The following EPRS1 variants were observed in gnomAD, a reference collection of about 807,000 sequenced individuals.
EPRS1 encodes the protein bifunctional glutamate/proline--tRNA ligase.
Under a neutral mutation model 188.3 loss-of-function variants are expected in EPRS1, and 107 were observed. That is an observed-to-expected ratio of 0.57 (90% CI 0.49 to 0.67). The LOEUF (loss-of-function observed/expected upper bound fraction) is 0.67, where lower values mean the gene tolerates loss of function less well. EPRS1 is among the 30% of genes least tolerant of loss of function. EPRS1 has a pLI of 0.00. For missense variants in EPRS1, 1,577 were observed against 1,802.2 expected (o/e 0.88, Z 2.26); for synonymous variants, 596 against 593.1 (o/e 1.00, Z -0.07).
At chr1:220,004,796 A>AT (rs1661427426) in intron 16 of EPRS1, among the ~76,000 whole-genome samples, 1 of 152,184 alleles carries the variant, frequency 6.6e-6, no homozygotes, top group Non-Finnish European at 1.5e-5. Flanking sequence ...AAAAATTTAC[A>AT]TAGAGTTCTC....
chr1:220,008,209 T>C (rs1285497194), intron 13 of EPRS1, among the ~76,000 whole-genome samples: 1 of 151,662 alleles, frequency 6.6e-6, no homozygotes, highest in Non-Finnish European at 1.5e-5. Context: ...TGGGACATTA[T>C]AGGACAACAG....
intron 5 of EPRS1, among the ~76,000 whole-genome samples, chr1:220,031,254 GA>G (rs1438233268): frequency 7.9e-5 from 12 of 152,182 alleles, no homozygotes; most frequent in African/African-American, 2.9e-4. Flanking sequence ...CAAAAACACA[GA>G]GGACCTTTTA....
At chr1:219,977,043 T>C (rs1283527441) in intron 28 of EPRS1, among the ~76,000 whole-genome samples, 4 of 152,138 alleles carry the variant, frequency 2.6e-5, no homozygotes, top group Non-Finnish European at 4.4e-5. Flanking sequence ...ATATTATAGC[T>C]CATTTATTAA....
Position 219,987,209 on chromosome 1 carries a change from T to C in EPRS1, c.2971A>G (p.Lys991Glu), listed in dbSNP as rs1661022492. The change falls in exon 20 of 32, where the codon AAA becomes GAA. Residue 991 changes from lysine to glutamate, a missense_variant. Coordinates refer to ENST00000366923, the MANE Select transcript of EPRS1 (RefSeq NM_004446.3). ...GATGAGAGCCCACCTCCTTGGTTTT[T>C]AGAAGGGTCTTTCCTTTGGCCATCA... Reference protein sequence around the residue: ...QNDGQRKDPSKNQGGGLSSSG... With the variant: ...QNDGQRKDPSENQGGGLSSSG... 1.2e-6 allele frequency: 2 copies of C among 1,614,188 alleles called. No homozygotes were observed. Among genetic ancestry groups the C allele is most frequent in the East Asian group, 2.2e-5 (1 of 44,872 alleles).
chr1:219,985,000 C>G (rs140473502), intron 20 of EPRS1, among the ~76,000 whole-genome samples: 2,938 of 150,238 alleles, frequency 0.02, 87 homozygotes, highest in African/African-American at 0.06. Flanking sequence ...GCCGAGATTG[C>G]GCCATTGCAC....
chr1:220,030,393 C>A lies in EPRS1; in HGVS notation c.616G>T (p.Ala206Ser). The change falls in exon 6 of 32, where the codon GCC becomes TCC. Residue 206 changes from alanine (A) to serine (S), a missense_variant. Physicochemically the swap from Ala to Ser is moderately conservative, Grantham distance 99 (BLOSUM62 1). Coordinates refer to ENST00000366923, the MANE Select transcript of EPRS1 (RefSeq NM_004446.3). ...TGAGTTACATTTTCTTACCCACTGG[C>A]CTCTGGAGGAAATCTGACGGTAACC... ...GKVTVRFPPEASGYLHIGHAK... is the reference protein window; with the variant it reads ...GKVTVRFPPESSGYLHIGHAK... 6.2e-7 allele frequency: 1 copy of A among 1,609,974 alleles called. No individual in the cohort carries two copies. The highest frequency in any genetic ancestry group is 8.5e-7 in the Non-Finnish European group (1 of 1,176,288).
chr1:220,006,684 A>T (rs140144782), intron 14 of EPRS1, among the ~76,000 whole-genome samples: 1 of 152,306 alleles, frequency 6.6e-6, no homozygotes, highest in African/African-American at 2.4e-5. Flanking sequence ...ACTTGCAATC[A>T]TATGTAATAA....
At position 220,024,263 on chromosome 1, in the gene EPRS1, C is replaced by T. The variant is rs774022716; in HGVS notation, c.943+1G>A. On this transcript the variant is annotated splice_donor_variant, in intron 8 of 31. Coordinates refer to ENST00000366923, the MANE Select transcript of EPRS1 (RefSeq NM_004446.3). LOFTEE classifies it high-confidence loss of function. ...TTAAAATATAAAACAATGTGGCTTA[C>T]GGTTTTTTCTATGTTTAGAGTCTAT... 2 of 1,557,324 alleles carry T rather than the reference C, an allele frequency of 1.3e-6. No homozygotes were observed. The highest frequency in any genetic ancestry group is 2.3e-5 in the East Asian group (1 of 44,086).
chr1:219,987,145 G>A lies in EPRS1; in HGVS notation c.3035C>T (p.Thr1012Ile), dbSNP rs1370847881. Residue 1012 changes from threonine to isoleucine, a missense_variant, in exon 20 of 32, where the codon ACC becomes ATC. Physicochemically the swap from Thr to Ile is moderately conservative, Grantham distance 89. This residue lies in a region of EPRS1 where 1,278 missense variants were observed against 1,457.4 expected (regional missense o/e 0.88). Transcript: ENST00000366923. Reference sequence around the variant, plus strand: ...TGAAGTTTCTGCGATTCATTACCTGGTCTGTTTCTTAGGCCCCTGCCCTTC... The same window carrying A: ...TGAAGTTTCTGCGATTCATTACCTGATCTGTTTCTTAGGCCCCTGCCCTTC... ...AGEGQGPKKQ[T>I]RLGLEAKKEE... 6 of 1,604,730 alleles carry A rather than the reference G, an allele frequency of 3.7e-6. No individual in the cohort carries two copies. In the East Asian group the frequency reaches 8.9e-5, roughly 24 times the overall value.
At position 219,983,449 on chromosome 1, in the gene EPRS1, G is replaced by C. The variant is rs7524382; in HGVS notation, c.3091-51C>G. 8.5e-5 allele frequency: 113 copies of C among 1,325,810 alleles called. No homozygotes were observed. The Admixed American group carries it at 1.1e-3, about 12-fold the overall frequency. The allele number at this position is 1,325,810 out of a possible 1,614,324, so 82.1% of individuals were successfully genotyped here. ...AAGCTTACATTGAACCAAAATTCTA[G>C]TATAAGTGGCAAGAGTATGATAACC... On this transcript the variant is annotated intron_variant, in intron 21 of 31. Coordinates refer to ENST00000366923, the MANE Select transcript of EPRS1 (RefSeq NM_004446.3).
At position 219,990,909 on chromosome 1, in the gene EPRS1, T is replaced by C. The variant is rs536824383; in HGVS notation, c.2542-2086A>G. On this transcript the variant is annotated intron_variant, in intron 18 of 31. Coordinates refer to ENST00000366923, the MANE Select transcript of EPRS1 (RefSeq NM_004446.3). ...TTGCTAGTAGATTTTAAGTTGTTAG[T>C]GGACAAAGACTGTTTTAAACTTACC... Among the ~76,000 whole-genome samples, 36 of 152,254 alleles carry C rather than the reference T, an allele frequency of 2.4e-4. No individual in the cohort carries two copies. The South Asian group carries it at 7.5e-3, about 32-fold the overall frequency.
intron 13 of EPRS1, among the ~76,000 whole-genome samples, chr1:220,010,506 C>T (rs1661580808): frequency 6.6e-6 from 1 of 152,182 alleles, no homozygotes; most frequent in African/African-American, 2.4e-5. Context: ...CAAATCCTGA[C>T]AATGTTGAAT....
At chr1:220,008,043 G>A (rs1661526678) in intron 13 of EPRS1, among the ~76,000 whole-genome samples, 1 of 151,270 alleles carries the variant, frequency 6.6e-6, no homozygotes, top group African/African-American at 2.4e-5. Flanking sequence ...GGAGGCAGAG[G>A]CTGCAGTGAG....
chr1:219,970,411 A>G (rs1056680987), intron 30 of EPRS1, among the ~76,000 whole-genome samples: 2 of 29,610 alleles, frequency 6.8e-5, no homozygotes, highest in Non-Finnish European at 1.1e-4. Context: ...TCAGCCACAG[A>G]AAATCGTAAA....
intron 4 of EPRS1, 93 bp downstream of exon 4, chr1:220,033,409 A>G (rs571415468): frequency 1.1e-6 from 1 of 878,624 alleles, no homozygotes; most frequent in East Asian, 2.5e-5. Flanking sequence ...ACACACACAT[A>G]TACATACATG....
chr1:219,984,562 G>C (rs1055376585), intron 20 of EPRS1, among the ~76,000 whole-genome samples: 1 of 152,106 alleles, frequency 6.6e-6, no homozygotes, highest in Non-Finnish European at 1.5e-5. Context: ...AGGACTACAG[G>C]TGCATACAAC....
intron 12 of EPRS1, among the ~76,000 whole-genome samples, chr1:220,017,510 CA>C (rs1417453976): frequency 7.2e-5 from 11 of 152,094 alleles, no homozygotes; most frequent in African/African-American, 2.4e-4. Flanking sequence ...CAGCAAGAAC[CA>C]ATTAACAATT....
chr1:219,972,041 T>A (rs755058707), intron 30 of EPRS1, 28 bp downstream of exon 30: 1 of 1,382,826 alleles, frequency 7.2e-7, no homozygotes, highest in Non-Finnish European at 1.0e-6. Context: ...AATATTCTTA[T>A]ACTGAAAAGT....
At chr1:219,993,523 T>TAAAA (rs1339139233) in intron 18 of EPRS1, among the ~76,000 whole-genome samples, 1 of 152,258 alleles carries the variant, frequency 6.6e-6, no homozygotes, top group African/African-American at 2.4e-5. Context: ...AAGAGAAGAT[T>TAAAA]AAAAACAAAA....
Sources: gnomAD v4.1 joint callset for allele counts (sites outside exome capture counted in the v4.1 genomes callset) on GRCh38, gnomAD v4.1.1 for gene constraint, gnomAD v4.1.1 regional missense constraint, MANE v1.5 for transcripts, NCBI Gene and HGNC (gene_info 2026-07-23, HGNC 2026-07-21) for gene names.